The following KIAA0513 variants were observed in gnomAD, a reference collection of about 807,000 sequenced individuals.
KIAA0513 encodes KIAA0513, also known as uncharacterized protein KIAA0513.
In KIAA0513, 39 loss-of-function variants were observed where a neutral mutation model predicts 56.5. The observed-to-expected ratio is 0.69, with a 90% confidence interval of 0.53 to 0.90. The LOEUF (loss-of-function observed/expected upper bound fraction) is 0.90, where lower values mean the gene tolerates loss of function less well. KIAA0513 is among the 40% of genes least tolerant of loss of function. The pLI is 0.00. For synonymous variants in KIAA0513, 268 were observed against 215.6 expected (o/e 1.24, Z -2.13); for missense variants, 591 against 535.2 (o/e 1.10, Z -1.03).
chr16:85,067,745 T>C (rs2073509331), intron 2 of KIAA0513, among the ~76,000 whole-genome samples: 1 of 152,186 alleles, frequency 6.6e-6, no homozygotes, highest in South Asian at 2.1e-4. Flanking sequence ...AGTGCCCAGC[T>C]CACAGGTCCC....
At position 85,074,194 on chromosome 16, in the gene KIAA0513, C is replaced by T. The variant is rs150073123; in HGVS notation, c.503+1196C>T. On this transcript the variant is annotated intron_variant, in intron 4 of 12. Transcript: ENST00000683363. ...TTCACCATGTCGGCCAGGCTGGTCTCGAACTCCTGACCTCAAGTGATTCAC... is the reference window on the plus strand; with the variant it reads ...TTCACCATGTCGGCCAGGCTGGTCTTGAACTCCTGACCTCAAGTGATTCAC... 6.4e-3 allele frequency among the ~76,000 whole-genome samples: 968 copies of T among 152,040 alleles called. 10 individuals are homozygous for T. The highest frequency in any genetic ancestry group is 0.021 in the African/African-American group (886 of 41,446).
chr16:85,057,677 C>T (rs1041458323), intron 1 of KIAA0513, among the ~76,000 whole-genome samples: 1 of 152,176 alleles, frequency 6.6e-6, no homozygotes. Flanking sequence ...CAGTCCTGGG[C>T]CACGAGGAGG....
intron 1 of KIAA0513, among the ~76,000 whole-genome samples, chr16:85,028,386 G>A (rs180675434): frequency 3.9e-5 from 6 of 152,184 alleles, no homozygotes; most frequent in Admixed American, 3.9e-4. Context: ...GGCTTAGCAG[G>A]GTGGGGGTGA....
At chr16:85,029,211 C>A (rs1018637511) in intron 1 of KIAA0513, among the ~76,000 whole-genome samples, 2 of 152,156 alleles carry the variant, frequency 1.3e-5, no homozygotes, top group African/African-American at 4.8e-5. Flanking sequence ...AAAGTTGACT[C>A]ATGAGATTTT....
intron 1 of KIAA0513, among the ~76,000 whole-genome samples, chr16:85,066,669 C>T (rs1483148239): frequency 6.6e-6 from 1 of 152,172 alleles, no homozygotes; most frequent in African/African-American, 2.4e-5. Flanking sequence ...CGTGTGCTGA[C>T]AGTCTGAAAT....
intron 4 of KIAA0513, 150 bp from the exon 5 acceptor site, chr16:85,075,694 A>C: frequency 3.0e-6 from 2 of 669,890 alleles, no homozygotes; most frequent in South Asian, 3.5e-5. Flanking sequence ...TAGTTCTCCT[A>C]ATGGAACTTG....
At chr16:85,038,263 C>T (rs984708293) in intron 1 of KIAA0513, among the ~76,000 whole-genome samples, 2 of 152,234 alleles carry the variant, frequency 1.3e-5, no homozygotes, top group African/African-American at 4.8e-5. Flanking sequence ...ATCATAGTGA[C>T]CTCCCCGCTT....
chr16:85,072,088 C>T (rs749484397), intron 3 of KIAA0513, among the ~76,000 whole-genome samples: 6 of 152,142 alleles, frequency 3.9e-5, no homozygotes, highest in Non-Finnish European at 7.3e-5. Context: ...CACAGTGGCT[C>T]ATGCCTGTAA....
In KIAA0513 at chr16:85,072,926, G is replaced by A. The variant is rs2073599792; in HGVS notation, c.431G>A (p.Arg144His). 3.1e-6 allele frequency: 5 copies of A among 1,614,086 alleles called. No individual in the cohort carries two copies. Among genetic ancestry groups the A allele is most frequent in the Admixed American group, 1.7e-5 (1 of 60,026 alleles). The change falls in exon 4 of 13, where the codon CGC becomes CAC. Residue 144 changes from arginine to histidine, a missense_variant and splice_region_variant. Physicochemically the swap from Arg to His is conservative, Grantham distance 29. Transcript: ENST00000683363. ...ATGTGTCTGCCTCTTTCTGGACAGC[G>A]CTGCAACTCCAAGTGTGTCTCAGAG... is the stretch of plus-strand genomic sequence containing the variant. ...EWFARYVSAQ[R>H]CNSKCVSEAT...
intron 12 of KIAA0513, 99 bp from the exon 13 acceptor site, chr16:85,088,177 A>G: frequency 9.1e-7 from 1 of 1,095,498 alleles, no homozygotes; most frequent in Non-Finnish European, 1.4e-6. Flanking sequence ...CCCTGCTCCC[A>G]GGGAGGCCCG....
intron 3 of KIAA0513, among the ~76,000 whole-genome samples, chr16:85,072,586 A>T (rs2144041637): frequency 6.6e-6 from 1 of 152,242 alleles, no homozygotes. Flanking sequence ...AAGAGAAGTT[A>T]ATTACCCACA....
At chr16:85,053,148 C>T (rs988560142) in intron 1 of KIAA0513, among the ~76,000 whole-genome samples, 40 of 152,310 alleles carry the variant, frequency 2.6e-4, no homozygotes, top group Non-Finnish European at 5.0e-4. Flanking sequence ...TTCAGCCTCC[C>T]AAAGTGCTGG....
Position 85,043,986 on chromosome 16 carries a change from C to T in KIAA0513, c.-173+16128C>T, listed in dbSNP as rs192126184. On this transcript the variant is annotated intron_variant, in intron 1 of 12. Coordinates refer to ENST00000683363, the MANE Select transcript of KIAA0513 (RefSeq NM_001388359.1). ...CGGAGGTTGTGGTGAGTGGAGATTG[C>T]GCCAGTGCACTCCAGCCTGGGCAAC... is the stretch of plus-strand genomic sequence containing the variant. Among the ~76,000 whole-genome samples the T allele has an allele frequency of 2.6e-5, 4 of 152,218 alleles. No individual in the cohort carries two copies. In the East Asian group the frequency reaches 7.7e-4, roughly 29 times the overall value.
At chr16:85,080,109 G>C (rs912334879) in intron 8 of KIAA0513, among the ~76,000 whole-genome samples, 17 of 152,182 alleles carry the variant, frequency 1.1e-4, no homozygotes, top group African/African-American at 4.1e-4. Flanking sequence ...AGAGGGCAGA[G>C]GGCAGAGGGC....
intron 1 of KIAA0513, among the ~76,000 whole-genome samples, chr16:85,034,286 A>G (rs1187686835): frequency 6.6e-6 from 1 of 152,170 alleles, no homozygotes; most frequent in African/African-American, 2.4e-5. Flanking sequence ...AGGCTGAGGC[A>G]GGAGAATTGC....
intron 1 of KIAA0513, among the ~76,000 whole-genome samples, chr16:85,065,051 C>G (rs969674489): frequency 6.6e-6 from 1 of 152,208 alleles, no homozygotes; most frequent in Non-Finnish European, 1.5e-5. Flanking sequence ...AGAATATAGA[C>G]TTTTTAGAGT....
At chr16:85,033,873 G>A (rs189451716) in intron 1 of KIAA0513, among the ~76,000 whole-genome samples, 2 of 152,044 alleles carry the variant, frequency 1.3e-5, no homozygotes, top group East Asian at 3.9e-4. Context: ...GTCTCTCCCT[G>A]CCCCACCCCC....
At chr16:85,060,126 AATTTTTGT>A (rs2073383234) in intron 1 of KIAA0513, among the ~76,000 whole-genome samples, 1 of 151,954 alleles carries the variant, frequency 6.6e-6, no homozygotes, top group African/African-American at 2.4e-5. Context: ...AGGCCTGGCT[AATTTTTGT>A]ATTTTTAATA....
At chr16:85,050,049 G>A (rs546545004) in intron 1 of KIAA0513, among the ~76,000 whole-genome samples, 4 of 152,220 alleles carry the variant, frequency 2.6e-5, no homozygotes, top group African/African-American at 9.6e-5. Flanking sequence ...GGGAGGGCGC[G>A]CCTTATGGCG....
Sources: gnomAD v4.1 joint callset for allele counts (sites outside exome capture counted in the v4.1 genomes callset) on GRCh38, gnomAD v4.1.1 for gene constraint, MANE v1.5 for transcripts, NCBI Gene and HGNC (gene_info 2026-07-23, HGNC 2026-07-21) for gene names.